Variants in DMRTC2 observed in about 807,000 individuals in gnomAD.
DMRTC2 encodes DMRT like family C2, also known as doublesex- and mab-3-related transcription factor C2.
Under a neutral mutation model 39.9 loss-of-function variants are expected in DMRTC2, and 13 were observed. The ratio of observed to expected loss-of-function variants is 0.33; its 90% CI spans 0.21 to 0.52. The LOEUF is 0.52. Among genes scored for constraint, DMRTC2 ranks in the 20% least tolerant of loss-of-function variants. DMRTC2 has a pLI of 0.96. For synonymous variants in DMRTC2, 189 were observed against 185.2 expected, an observed-to-expected ratio of 1.02 and a Z score of -0.17; for missense variants, 431 against 472.8, an observed-to-expected ratio of 0.91 and a Z score of 0.82.
chr19:41,849,395 G>T, intron 6 of DMRTC2, 139 bp downstream of exon 6: 2 of 1,265,180 alleles, frequency 1.6e-6, no homozygotes, highest in Non-Finnish European at 2.2e-6. Flanking sequence ...TCCTAGTACT[G>T]CCATTTCCTA....
At chr19:41,845,645 G>C (rs1338472049) in intron 1 of DMRTC2, among the ~76,000 whole-genome samples, 1 of 152,140 alleles carries the variant, frequency 6.6e-6, no homozygotes, top group Non-Finnish European at 1.5e-5. Flanking sequence ...TGGCCAACAT[G>C]GTGAAACCCC....
chr19:41,848,711 T>C, intron 4 of DMRTC2, 84 bp from the exon 5 acceptor site: 1 of 1,599,556 alleles, frequency 6.3e-7, no homozygotes, highest in Non-Finnish European at 8.5e-7. Context: ...CCCAAAGTTT[T>C]GGGGTTCTGC....
In DMRTC2 at chr19:41,849,251, C is replaced by T. The variant is rs782740475; in HGVS notation, c.750C>T (p.Pro250=). The T allele has an allele frequency of 6.2e-7, 1 of 1,613,912 alleles. No homozygotes were observed. The highest frequency in any genetic ancestry group is 8.5e-7 in the Non-Finnish European group (1 of 1,179,894). ...SGEPQGPPSQ[P]RTHSTLILQP... ...AGCCCCAAGGGCCCCCTAGCCAGCC[C>T]CGCACGTGAGTAGGGAGAGAAGGAT... The change falls in exon 6 of 9, where the codon CCC becomes CCT. Residue 250 remains proline, a synonymous_variant. Coordinates refer to ENST00000269945, the MANE Select transcript of DMRTC2 (RefSeq NM_001040283.3).
Position 41,848,921 on chromosome 19 carries a change from G to C in DMRTC2, c.574G>C (p.Val192Leu). 6.2e-7 allele frequency: 1 copy of C among 1,613,896 alleles called. No homozygotes were observed. The highest frequency in any genetic ancestry group is 8.5e-7 in the Non-Finnish European group (1 of 1,180,042). The change falls in exon 5 of 9, where the codon GTG (valine) becomes CTG (leucine). Residue 192 changes from valine to leucine, a missense_variant. Physicochemically the swap from Val to Leu is conservative, Grantham distance 32 (BLOSUM62 1). Transcript: ENST00000269945. Reference protein sequence around the residue: ...LPPGFSMPPPVVCRLLYQEPA... With the variant: ...LPPGFSMPPPLVCRLLYQEPA... Reference sequence around the variant, plus strand: ...TCCAGGCTTCTCCATGCCACCACCAGTGGTGTGCCGCCTGCTGTACCAAGA... The same window carrying C: ...TCCAGGCTTCTCCATGCCACCACCACTGGTGTGCCGCCTGCTGTACCAAGA...
In DMRTC2 at chr19:41,847,449, T is replaced by G. The variant is rs571848350; in HGVS notation, c.21T>G (p.Pro7=). The change falls in exon 2 of 9, where the codon CCT becomes CCG. Residue 7 remains proline, a synonymous_variant. Coordinates refer to ENST00000269945, the MANE Select transcript of DMRTC2 (RefSeq NM_001040283.3). MEPSDM[P]AGYHCPLDSA... is the part of the protein sequence containing the mutation. ...GATCCATGGAACCCAGTGACATGCC[T>G]GCTGGCTACCACTGCCCCTTAGACT... 117 of 1,577,440 alleles carry G rather than the reference T, an allele frequency of 7.4e-5. 1 individual carries two copies. Among genetic ancestry groups the G allele is most frequent in the South Asian group, 5.1e-4 (44 of 86,478 alleles).
At position 41,850,624 on chromosome 19, in the gene DMRTC2, C is replaced by T; in HGVS notation, c.915C>T (p.Ser305=). The change falls in exon 8 of 9, where the codon TCC becomes TCT. Residue 305 remains serine (S), a synonymous_variant. Transcript: ENST00000269945. ...CCCTCGTGGGGCTGAAAGATTCATCCCAGGCTCCTCGTGTGACCCCTTCTG... is the reference window on the plus strand; with the variant it reads ...CCCTCGTGGGGCTGAAAGATTCATCTCAGGCTCCTCGTGTGACCCCTTCTG... ...AEALVGLKDS[S]QAPRVTPSVP... 1 of 1,613,808 alleles carries T rather than the reference C, an allele frequency of 6.2e-7. No individual in the cohort carries two copies. The highest frequency in any genetic ancestry group is 8.5e-7 in the Non-Finnish European group (1 of 1,179,906).
Position 41,847,758 on chromosome 19 carries a change from G to T in DMRTC2, c.247G>T (p.Ala83Ser). ...TAGGGAGCGCCGCAGGGTCATGGCT[G>T]CCCAGGTGGCCTTGCGTAGGCAGCA... ...LILERRRVMA[A>S]QVALRRQQEA... Residue 83 changes from alanine (A) to serine (S), a missense_variant, in exon 3 of 9, where the codon GCC becomes TCC. Transcript: ENST00000269945. The T allele has an allele frequency of 6.2e-7, 1 of 1,614,028 alleles. No homozygotes were observed. Among genetic ancestry groups the T allele is most frequent in the Admixed American group, 1.7e-5 (1 of 60,012 alleles).
chr19:41,848,318 C>T, intron 3 of DMRTC2, 134 bp from the exon 4 acceptor site: 1 of 718,864 alleles, frequency 1.4e-6, no homozygotes, highest in South Asian at 2.0e-5. Flanking sequence ...TGCACTCCAG[C>T]CTGGGCGACA....
chr19:41,846,974 G>A (rs571084572), intron 1 of DMRTC2, among the ~76,000 whole-genome samples: 110 of 151,796 alleles, frequency 7.2e-4, no homozygotes, highest in South Asian at 1.2e-3. Flanking sequence ...CCAGGAGTTC[G>A]AGACCAGCCT....
chr19:41,846,891 G>C (rs1265091131), intron 1 of DMRTC2, among the ~76,000 whole-genome samples: 1 of 151,648 alleles, frequency 6.6e-6, no homozygotes, highest in Admixed American at 6.6e-5. Flanking sequence ...TTAAAAAAAG[G>C]GGGGACGGGT....
chr19:41,850,247 CTT>C, intron 6 of DMRTC2, 63 bp from the exon 7 acceptor site: 9 of 1,292,184 alleles, frequency 7.0e-6, no homozygotes, highest in Non-Finnish European at 8.1e-6. Context: ...TCCTGCCCCT[CTT>C]TCAATGTGTG....
Position 41,848,829 on chromosome 19 carries a change from C to G in DMRTC2, c.482C>G (p.Pro161Arg), listed in dbSNP as rs782807415. 28 of 1,610,318 alleles carry G rather than the reference C, an allele frequency of 1.7e-5. No homozygotes were observed. The South Asian group carries it at 3.1e-4, about 18-fold the overall frequency. ...GGGCCTCTGCTGCTCAGCCATCCCCCGGAAGCCTCGCCCTTGTCCTGGACT... is the reference window on the plus strand; with the variant it reads ...GGGCCTCTGCTGCTCAGCCATCCCCGGGAAGCCTCGCCCTTGTCCTGGACT... ...SCGPLLLSHP[P>R]EASPLSWTPV... is the part of the protein sequence containing the mutation. Residue 161 changes from proline (P) to arginine (R), a missense_variant, in exon 5 of 9, where the codon CCG (proline) becomes CGG (arginine). Coordinates refer to ENST00000269945, the MANE Select transcript of DMRTC2 (RefSeq NM_001040283.3).
chr19:41,847,899 G>C lies in DMRTC2; in HGVS notation c.370+18G>C. The C allele has an allele frequency of 6.4e-7, 1 of 1,570,626 alleles. No individual in the cohort carries two copies. The highest frequency in any genetic ancestry group is 8.6e-7 in the Non-Finnish European group (1 of 1,157,256). The stretch of plus-strand genomic sequence containing the variant: ...GGTCCCCTGTGAGTGTCTCTGACCA[G>C]CGATGGGGCAGGAGTTTGGGTACAG... On this transcript the variant is annotated intron_variant, in intron 3 of 8. Transcript: ENST00000269945.
chr19:41,851,560 C>CT, intron 8 of DMRTC2, 24 bp from the exon 9 acceptor site: 2 of 1,605,122 alleles, frequency 1.2e-6, no homozygotes, highest in Non-Finnish European at 1.7e-6. Flanking sequence ...TGACCTGATC[C>CT]TGCCCCTTCC....
At chr19:41,844,931 C>G (rs1466579649), upstream of DMRTC2, 1 of 152,314 alleles carries the variant, frequency 6.6e-6, no homozygotes, top group Admixed American at 6.5e-5. Context: ...AGTTCAGGAT[C>G]TCAAACCGCA....
intron 1 of DMRTC2, among the ~76,000 whole-genome samples, chr19:41,845,738 A>C (rs903505193): frequency 6.6e-6 from 1 of 152,056 alleles, no homozygotes; most frequent in Non-Finnish European, 1.5e-5. Flanking sequence ...GAGGCAGGAG[A>C]ATTGCTTGAA....
Position 41,849,122 on chromosome 19 carries a change from C to A in DMRTC2, c.629-8C>A, listed in dbSNP as rs371867212. 6.2e-7 allele frequency: 1 copy of A among 1,614,068 alleles called. No individual in the cohort carries two copies. The highest frequency in any genetic ancestry group is 1.7e-5 in the Admixed American group (1 of 60,018). ...CCTATACACTCTGCATTCTTTTATT[C>A]TTATTAGGCTTTGACCCTGGCACCT... On this transcript the variant is annotated splice_region_variant and splice_polypyrimidine_tract_variant and intron_variant, in intron 5 of 8. Transcript: ENST00000269945.
At position 41,847,768 on chromosome 19, in the gene DMRTC2, C is replaced by T. The variant is rs1555836313; in HGVS notation, c.257C>T (p.Ala86Val). The change falls in exon 3 of 9, where the codon GCC (alanine) becomes GTC (valine). Residue 86 changes from alanine to valine, a missense_variant. Transcript: ENST00000269945. Reference protein sequence around the residue: ...ERRRVMAAQVALRRQQEAQLK... With the variant: ...ERRRVMAAQVVLRRQQEAQLK... ...CGCAGGGTCATGGCTGCCCAGGTGG[C>T]CTTGCGTAGGCAGCAGGAGGCGCAG... 4 of 1,613,836 alleles carry T rather than the reference C, an allele frequency of 2.5e-6. No homozygotes were observed. Among genetic ancestry groups the T allele is most frequent in the Non-Finnish European group, 1.7e-6 (2 of 1,179,888 alleles).
intron 1 of DMRTC2, among the ~76,000 whole-genome samples, chr19:41,845,720 G>A (rs782389420): frequency 6.6e-6 from 1 of 152,314 alleles, no homozygotes; most frequent in African/African-American, 2.4e-5. Flanking sequence ...CCAGGTACTC[G>A]GGAGGCTGAG....
Sources: gnomAD v4.1 joint callset for allele counts (sites outside exome capture counted in the v4.1 genomes callset) on GRCh38, gnomAD v4.1.1 for gene constraint, MANE v1.5 for transcripts, NCBI Gene and HGNC (gene_info 2026-07-23, HGNC 2026-07-21) for gene names.